Variants in SNX8 observed in about 807,000 individuals in gnomAD.
The protein encoded by SNX8 is sorting nexin-8.
A neutral mutation model predicts 51.6 loss-of-function variants in SNX8; 25 were observed. The ratio of observed to expected loss-of-function variants is 0.48; its 90% CI spans 0.35 to 0.68. The LOEUF is 0.68. Among genes scored for constraint, SNX8 ranks in the 30% least tolerant of loss-of-function variants. The pLI, the probability that SNX8 is intolerant of heterozygous loss-of-function variation, is 0.00. For missense variants in SNX8, 695 were observed against 624.0 expected, an observed-to-expected ratio of 1.11 and a Z score of -1.21; for synonymous variants, 324 against 277.0, an observed-to-expected ratio of 1.17 and a Z score of -1.68.
chr7:2,297,069 G>C (rs1347099607), intron 1 of SNX8, among the ~76,000 whole-genome samples: 3 of 151,966 alleles, frequency 2.0e-5, no homozygotes, highest in African/African-American at 7.3e-5. Context: ...TTATTAAAAA[G>C]TCAAAGAACA....
chr7:2,282,773 T>C (rs1795936633), intron 1 of SNX8, among the ~76,000 whole-genome samples: 2 of 151,760 alleles, frequency 1.3e-5, no homozygotes, highest in African/African-American at 4.8e-5. Context: ...GGTCAGGAGT[T>C]TGAGGCCTGC....
intron 1 of SNX8, among the ~76,000 whole-genome samples, chr7:2,311,404 T>A (rs1428708630): frequency 1.3e-5 from 2 of 152,234 alleles, no homozygotes; most frequent in African/African-American, 4.8e-5. Flanking sequence ...TTTTTAAAAA[T>A]TTGAGACAGG....
chr7:2,328,449 C>T (rs1256453838), intron 1 of SNX8, among the ~76,000 whole-genome samples: 2 of 152,198 alleles, frequency 1.3e-5, no homozygotes, highest in Admixed American at 1.3e-4. Flanking sequence ...GCCTTGGCCT[C>T]CCAAAGTGTT....
intron 1 of SNX8, among the ~76,000 whole-genome samples, chr7:2,349,682 C>A (rs925250268): frequency 1.3e-5 from 2 of 152,040 alleles, no homozygotes; most frequent in African/African-American, 4.8e-5. Flanking sequence ...AGAGATCTGC[C>A]CACCTCAGCT....
intron 1 of SNX8, among the ~76,000 whole-genome samples, chr7:2,320,304 A>AT (rs574190808): frequency 9.2e-4 from 140 of 151,842 alleles, no homozygotes; most frequent in African/African-American, 2.9e-3. Context: ...GTGGGGGAGG[A>AT]TTTTTTTTAA....
chr7:2,289,063 G>A (rs571730153), intron 1 of SNX8, among the ~76,000 whole-genome samples: 2 of 152,088 alleles, frequency 1.3e-5, no homozygotes, highest in South Asian at 2.1e-4. Flanking sequence ...AACCACGGTC[G>A]AAAGTCAGTT....
chr7:2,319,814 CAAAAAA>C (rs35408698), intron 1 of SNX8, among the ~76,000 whole-genome samples: 1 of 78,472 alleles, frequency 1.3e-5, no homozygotes. Context: ...GACTCCGTCT[CAAAAAA>C]AAAAAAAAAA....
intron 1 of SNX8, among the ~76,000 whole-genome samples, chr7:2,281,915 C>G (rs900285727): frequency 6.6e-6 from 1 of 152,126 alleles, no homozygotes; most frequent in Non-Finnish European, 1.5e-5. Context: ...ACAGGCCCCT[C>G]GAACGACAGC....
chr7:2,311,714 G>A (rs1334820141), intron 1 of SNX8, among the ~76,000 whole-genome samples: 3 of 152,134 alleles, frequency 2.0e-5, no homozygotes, highest in Non-Finnish European at 4.4e-5. Context: ...GAGGCGGCTA[G>A]ATCACGAGGT....
chr7:2,264,320 G>A lies in SNX8; in HGVS notation c.760C>T (p.Leu254Phe), dbSNP rs1795410298. The change falls in exon 6 of 11, where the codon CTC (leucine) becomes TTC (phenylalanine). Residue 254 changes from leucine (L) to phenylalanine (F), a missense_variant. Coordinates refer to ENST00000222990, the MANE Select transcript of SNX8 (RefSeq NM_013321.4). The stretch of plus-strand genomic sequence containing the variant: ...TACCTTAGCTCCTTCCCGAATATGA[G>A]AAGATCTGCCGCATTGTCGATGGCC... ...SRAIDNAADL[L>F]IFGKELSAIG... The A allele has an allele frequency of 6.2e-7, 1 of 1,612,254 alleles. No homozygotes were observed. Among genetic ancestry groups the A allele is most frequent in the Non-Finnish European group, 8.5e-7 (1 of 1,179,370 alleles).
At chr7:2,350,382 A>T (rs1388385566) in intron 1 of SNX8, among the ~76,000 whole-genome samples, 2 of 152,226 alleles carry the variant, frequency 1.3e-5, no homozygotes, top group African/African-American at 4.8e-5. Context: ...TCATTTTCAT[A>T]GTTATGAACC....
intron 1 of SNX8, among the ~76,000 whole-genome samples, chr7:2,339,392 G>A (rs1778883642): frequency 6.6e-6 from 1 of 150,958 alleles, no homozygotes; most frequent in Non-Finnish European, 1.5e-5. Flanking sequence ...TTTAATTTTA[G>A]TAGAGATGGG....
At chr7:2,292,027 G>A (rs911288728) in intron 1 of SNX8, among the ~76,000 whole-genome samples, 8 of 152,194 alleles carry the variant, frequency 5.3e-5, no homozygotes, top group Admixed American at 3.9e-4. Flanking sequence ...ACTCTGGGAG[G>A]CCGAGGTGGA....
chr7:2,320,697 C>G (rs1206353046), intron 1 of SNX8, among the ~76,000 whole-genome samples: 1 of 152,124 alleles, frequency 6.6e-6, no homozygotes, highest in African/African-American at 2.4e-5. Flanking sequence ...CCACTCCAGT[C>G]TGGATGACAG....
chr7:2,288,963 C>G (rs533011707), intron 1 of SNX8, among the ~76,000 whole-genome samples: 1 of 152,304 alleles, frequency 6.6e-6, no homozygotes, highest in East Asian at 1.9e-4. Context: ...TCTCCAACTC[C>G]GAGTCTCAAG....
intron 1 of SNX8, among the ~76,000 whole-genome samples, chr7:2,293,990 G>C (rs767768041): frequency 7.1e-6 from 1 of 140,302 alleles, no homozygotes; most frequent in Non-Finnish European, 1.5e-5. Context: ...GAGGCTGAGC[G>C]CAGTGGCTCA....
chr7:2,266,739 T>C (rs889559396), intron 5 of SNX8, among the ~76,000 whole-genome samples: 7 of 152,108 alleles, frequency 4.6e-5, no homozygotes, highest in Non-Finnish European at 1.0e-4. Context: ...CAGGCTGGTC[T>C]CAAACTCCTG....
At position 2,309,795 on chromosome 7, in the gene SNX8, G is replaced by C. The variant is rs1343594876; in HGVS notation, c.94+4533C>G. On this transcript the variant is annotated intron_variant, in intron 1 of 10. Transcript: ENST00000222990. ...GAATTCTGACCAACGTATTCACACA[G>C]AGAACAGACCTGACATGAGCGAGCA... 90 of 470,928 alleles carry C rather than the reference G, an allele frequency of 1.9e-4. 1 individual carries two copies. The Admixed American group carries it at 2.1e-3, about 11-fold the overall frequency. The allele number at this position is 470,928 out of a possible 1,614,324, so 29.2% of individuals were successfully genotyped here.
At chr7:2,339,339 G>A (rs992500785) in intron 1 of SNX8, among the ~76,000 whole-genome samples, 3 of 152,006 alleles carry the variant, frequency 2.0e-5, no homozygotes, top group Admixed American at 1.3e-4. Context: ...CCGAGTAGCT[G>A]GGACTACAGG....
Sources: gnomAD v4.1 joint callset for allele counts (sites outside exome capture counted in the v4.1 genomes callset) on GRCh38, gnomAD v4.1.1 for gene constraint, MANE v1.5 for transcripts, NCBI Gene and HGNC (gene_info 2026-07-23, HGNC 2026-07-21) for gene names.